Variants in RAD9B observed in about 807,000 individuals in gnomAD.
The protein encoded by RAD9B is RAD9 checkpoint clamp component B, also known as cell cycle checkpoint control protein RAD9B.
In RAD9B, 41 loss-of-function variants were observed where a neutral mutation model predicts 48.3. That is an observed-to-expected ratio of 0.85 (90% CI 0.66 to 1.10). RAD9B has a LOEUF of 1.10. Among genes scored for constraint, RAD9B ranks in the 50% least tolerant of loss-of-function variants. The pLI, the probability that RAD9B is intolerant of heterozygous loss-of-function variation, is 0.00. For missense variants in RAD9B, 444 were observed against 485.1 expected, an observed-to-expected ratio of 0.92 and a Z score of 0.80; for synonymous variants, 160 against 157.9, an observed-to-expected ratio of 1.01 and a Z score of -0.10.
In RAD9B at chr12:110,506,688, G is replaced by T; in HGVS notation, c.383G>T (p.Arg128Ile). 2 of 1,434,054 alleles carry T rather than the reference G, an allele frequency of 1.4e-6. No homozygotes were observed. The highest frequency in any genetic ancestry group is 2.3e-5 in the South Asian group (2 of 86,324). 88.8% of individuals were successfully genotyped at this position (1,434,054 alleles called of 1,614,324 possible). ...AAAGTAGTTATTCAATTCTTCTACA[G>T]ACATGGTAGGTATAATTAAAAGTGG... ...KCKVVIQFFY[R>I]HGIKRTHNIC... Residue 128 changes from arginine to isoleucine, a missense_variant, in exon 4 of 11, where the codon AGA (arginine) becomes ATA (isoleucine). By Grantham distance (97) the Arg-to-Ile change is moderately conservative (BLOSUM62 -3). Transcript: ENST00000409300.
chr12:110,504,253 G>C lies in RAD9B; in HGVS notation c.117+377G>C, dbSNP rs532671033. 2.9e-3 allele frequency among the ~76,000 whole-genome samples: 436 copies of C among 151,920 alleles called. 5 individuals carry two copies. Among genetic ancestry groups the C allele is most frequent in the African/African-American group, 0.01 (420 of 41,440 alleles). On this transcript the variant is annotated intron_variant, in intron 2 of 10. Transcript: ENST00000409300. Reference sequence around the variant, plus strand: ...GGAGGCCGAGGTGGGTGGATCACCTGAGGTCAGGAGTTCGAGACTAGCCTG... The same window carrying C: ...GGAGGCCGAGGTGGGTGGATCACCTCAGGTCAGGAGTTCGAGACTAGCCTG...
Position 110,522,273 on chromosome 12 carries a change from G to A in RAD9B, c.987G>A (p.Lys329=). 1.2e-6 allele frequency: 2 copies of A among 1,613,074 alleles called. No individual in the cohort carries two copies. The highest frequency in any genetic ancestry group is 1.7e-6 in the Non-Finnish European group (2 of 1,179,560). Residue 329 remains lysine (K), a synonymous_variant, in exon 10 of 11, where the codon AAG becomes AAA. Transcript: ENST00000409300. ...KKAAPRRLYP[K]ETLTNISALE... ...CAGCACCAAGAAGGCTTTATCCTAAGGAGACTCTCACAAACATATCTGCAT... is the reference window on the plus strand; with the variant it reads ...CAGCACCAAGAAGGCTTTATCCTAAAGAGACTCTCACAAACATATCTGCAT...
chr12:110,523,550 T>C (rs1395061626), intron 10 of RAD9B, among the ~76,000 whole-genome samples: 1 of 152,198 alleles, frequency 6.6e-6, no homozygotes, highest in Non-Finnish European at 1.5e-5. Context: ...TTCCCAACAC[T>C]TAGGGCAATT....
At chr12:110,506,823 G>A in intron 4 of RAD9B, 130 bp downstream of exon 4, 1 of 544,678 alleles carries the variant, frequency 1.8e-6, no homozygotes, top group Non-Finnish European at 3.2e-6. Flanking sequence ...TTAAGTGGTA[G>A]GGCAGTTTGA....
chr12:110,507,676 G>A (rs1334972274), intron 4 of RAD9B, among the ~76,000 whole-genome samples: 1 of 148,792 alleles, frequency 6.7e-6, no homozygotes, highest in Non-Finnish European at 1.5e-5. Context: ...TTGAGATGGA[G>A]TTTCGCTCTT....
Position 110,531,865 on chromosome 12 carries a change from T to C in RAD9B, c.*1212T>C. ...AAACGAGACTTTTGTAACATATTAT[T>C]GTTACATCTTTCTGAAACCTTCAAA... On this transcript the variant is annotated 3_prime_UTR_variant, in exon 11 of 11. Transcript: ENST00000409300. The C allele has an allele frequency of 2.1e-6, 1 of 478,526 alleles. No homozygotes were observed. Among genetic ancestry groups the C allele is most frequent in the South Asian group, 2.9e-5 (1 of 34,524 alleles). 29.6% of individuals were successfully genotyped at this position (478,526 alleles called of 1,614,324 possible). A position where few individuals can be genotyped will look rare whatever the true frequency, so the allele number is the denominator to read the frequency against.
intron 9 of RAD9B, among the ~76,000 whole-genome samples, chr12:110,520,628 C>CTTTTTTTTTTTTTTTTTTTTTGGTTTTT (rs71083129): frequency 1.0e-5 from 1 of 99,968 alleles, no homozygotes; most frequent in Non-Finnish European, 1.8e-5. Context: ...TTCTTGCTTT[C>CTTTTTTTTTTTTTTTTTTTTTGGTTTTT]TTTTTTTTTT....
At chr12:110,516,928 C>T (rs977338888) in intron 6 of RAD9B, among the ~76,000 whole-genome samples, 1 of 151,952 alleles carries the variant, frequency 6.6e-6, no homozygotes. Flanking sequence ...TTTAAGTCAC[C>T]TGATATCCCA....
chr12:110,530,176 A>G (rs541643784), intron 10 of RAD9B, among the ~76,000 whole-genome samples: 7 of 152,132 alleles, frequency 4.6e-5, no homozygotes, highest in African/African-American at 1.4e-4. Flanking sequence ...CCGAGTAGCT[A>G]GGACTACAGG....
intron 8 of RAD9B, among the ~76,000 whole-genome samples, chr12:110,519,286 T>A (rs796104743): frequency 1.5e-4 from 23 of 152,186 alleles, no homozygotes; most frequent in African/African-American, 4.8e-4. Flanking sequence ...GTATTTTTGG[T>A]AGAGACGGGG....
At chr12:110,517,645 TTAAAG>T (rs1207048223) in intron 6 of RAD9B, among the ~76,000 whole-genome samples, 2 of 151,006 alleles carry the variant, frequency 1.3e-5, no homozygotes, top group Admixed American at 6.6e-5. Flanking sequence ...AATAAAAACA[TTAAAG>T]TAATGTTATA....
intron 9 of RAD9B, among the ~76,000 whole-genome samples, chr12:110,520,676 A>G: frequency 1.7e-5 from 2 of 120,332 alleles, no homozygotes; most frequent in East Asian, 2.4e-4. Context: ...TTTGAGACAG[A>G]ATCTCACTCT....
chr12:110,502,594 T>G lies in RAD9B; in HGVS notation c.46+211T>G, dbSNP rs1333619694. 3.1e-5 allele frequency: 18 copies of G among 586,236 alleles called. No homozygotes were observed. The South Asian group carries it at 3.7e-4, about 12-fold the overall frequency. 36.3% of individuals were successfully genotyped at this position (586,236 alleles called of 1,614,324 possible). ...GTGTGACTTAGAGGCAGATGTAATA[T>G]GGGTGGTATCCGGGAAATAGAGTTG... On this transcript the variant is annotated intron_variant, in intron 1 of 10. Transcript: ENST00000409300.
At chr12:110,524,556 C>A (rs776286194) in intron 10 of RAD9B, among the ~76,000 whole-genome samples, 2 of 151,528 alleles carry the variant, frequency 1.3e-5, no homozygotes, top group African/African-American at 2.4e-5. Flanking sequence ...AGCAAGACTC[C>A]GTCTCAAAAA....
At position 110,519,851 on chromosome 12, in the gene RAD9B, A is replaced by G. The variant is rs1439834123; in HGVS notation, c.825A>G (p.Thr275=). The part of the protein sequence containing the change: ...MLVEANFILA[T]LADEQSRASS... ...TGGAAGCTAACTTTATTTTGGCCAC[A>G]TTAGCTGATGAACAAAGTAGAGCAT... The change falls in exon 9 of 11, where the codon ACA becomes ACG. Residue 275 remains threonine (T), a synonymous_variant. Coordinates refer to ENST00000409300, the MANE Select transcript of RAD9B (RefSeq NM_001286535.2). 9.3e-6 allele frequency: 15 copies of G among 1,613,310 alleles called. No homozygotes were observed. Among genetic ancestry groups the G allele is most frequent in the African/African-American group, 4.0e-5 (3 of 74,894 alleles).
chr12:110,504,207 G>A (rs899091361), intron 2 of RAD9B, among the ~76,000 whole-genome samples: 12 of 151,022 alleles, frequency 7.9e-5, no homozygotes, highest in East Asian at 5.8e-4. Flanking sequence ...GATGGCTCAC[G>A]CCTGTAATCC....
intron 6 of RAD9B, among the ~76,000 whole-genome samples, chr12:110,517,779 C>CACACACAG (rs2063650736): frequency 6.6e-6 from 1 of 151,438 alleles, no homozygotes; most frequent in Non-Finnish European, 1.5e-5. Context: ...CACACACACA[C>CACACACAG]ACACACACAC....
rs1335632661 is a variant in RAD9B at position 110,532,346 on chromosome 12, AGAGG to A, written c.*1695_*1698del. Among the ~76,000 whole-genome samples, 2 of 152,244 alleles carry A rather than the reference AGAGG, an allele frequency of 1.3e-5. No individual in the cohort carries two copies. The highest frequency in any genetic ancestry group is 2.4e-5 in the African/African-American group (1 of 41,462). On this transcript the variant is annotated 3_prime_UTR_variant, in exon 11 of 11. Coordinates refer to ENST00000409300, the MANE Select transcript of RAD9B (RefSeq NM_001286535.2). ...TTCTGGTTCATTCATTGAAGTAGGC[AGAGG>A]GGTTTAGGTCTTAAAGGCATCATCA...
rs2063245879 is a variant in RAD9B, at chr12:110,505,789, C to T, written c.273+17C>T. The T allele has an allele frequency of 6.2e-7, 1 of 1,602,502 alleles. No individual in the cohort carries two copies. Among genetic ancestry groups the T allele is most frequent in the African/African-American group, 1.3e-5 (1 of 74,654 alleles). On this transcript the variant is annotated intron_variant, in intron 3 of 10. Coordinates refer to ENST00000409300, the MANE Select transcript of RAD9B (RefSeq NM_001286535.2). ...GGAATGAAGGTAAATATAAGTGGCCCTGGTTTTCTCTTATTCTGTAGAAAT... is the reference window on the plus strand; with the variant it reads ...GGAATGAAGGTAAATATAAGTGGCCTTGGTTTTCTCTTATTCTGTAGAAAT...
Sources: allele counts gnomAD v4.1 joint callset (sites outside exome capture counted in the v4.1 genomes callset), GRCh38; gene constraint gnomAD v4.1.1; transcripts MANE v1.5; gene names NCBI Gene and HGNC (gene_info 2026-07-23, HGNC 2026-07-21).